The following COA8 variants were observed in gnomAD, a reference collection of about 807,000 sequenced individuals.
COA8 encodes the protein UPF0671 protein C14orf153.
A neutral mutation model predicts 22.0 loss-of-function variants in COA8; 20 were observed. The observed-to-expected ratio is 0.91, with a 90% confidence interval of 0.64 to 1.32. The LOEUF is 1.32. COA8 is among the 40% of genes most tolerant of loss of function. The pLI is 0.00. For missense variants in COA8, 266 were observed against 230.0 expected (o/e 1.16, Z -1.01); for synonymous variants, 105 against 79.9 (o/e 1.31, Z -1.68).
Position 103,581,338 on chromosome 14 carries a change from C to A in COA8, c.386-5936C>A, listed in dbSNP as rs1424389617. ...CATTACCAAGTAAATAAGGGTTACTCAGACACAAGCACTGCTGTACGACGA... is the reference window on the plus strand; with the variant it reads ...CATTACCAAGTAAATAAGGGTTACTAAGACACAAGCACTGCTGTACGACGA... On this transcript the variant is annotated intron_variant, in intron 3 of 4. Transcript: ENST00000409074. This position sits in a 1 kb window ranked among gnomAD's most constrained non-coding sequence, Gnocchi z 4.1. Among the ~76,000 whole-genome samples the A allele has an allele frequency of 2.0e-5, 3 of 152,076 alleles. No individual in the cohort carries two copies. The highest frequency in any genetic ancestry group is 4.4e-5 in the Non-Finnish European group (3 of 68,010).
intron 3 of COA8, 76 bp downstream of exon 3, chr14:103,574,246 G>C: frequency 6.3e-7 from 1 of 1,589,552 alleles, no homozygotes; most frequent in Non-Finnish European, 8.6e-7. Flanking sequence ...AAGGAAGGGC[G>C]GTGAGAGAGG....
At chr14:103,583,888 A>G (rs1320119621) in intron 3 of COA8, among the ~76,000 whole-genome samples, 2 of 152,214 alleles carry the variant, frequency 1.3e-5, no homozygotes, top group Non-Finnish European at 2.9e-5. Context: ...GGATCACAAC[A>G]TTCAGAAAGG....
intron 1 of COA8, among the ~76,000 whole-genome samples, chr14:103,563,855 A>T (rs570891072): frequency 1.5e-3 from 225 of 152,350 alleles, no homozygotes; most frequent in African/African-American, 4.3e-3. Context: ...AAGAAGTATT[A>T]AAAAAGTGTT....
At chr14:103,578,194 A>G (rs745748360) in intron 3 of COA8, among the ~76,000 whole-genome samples, 107 of 151,614 alleles carry the variant, frequency 7.1e-4, no homozygotes, top group Middle Eastern at 3.4e-3. Flanking sequence ...ACTGTCTCCA[A>G]AAAAAAAATT....
intron 3 of COA8, among the ~76,000 whole-genome samples, chr14:103,584,191 G>A (rs1270317325): frequency 6.6e-6 from 1 of 152,108 alleles, no homozygotes; most frequent in Non-Finnish European, 1.5e-5. Flanking sequence ...GAGCCACCGT[G>A]CCTGGCCTCC....
intron 3 of COA8, among the ~76,000 whole-genome samples, chr14:103,582,673 G>T (rs981371726): frequency 6.6e-6 from 1 of 150,680 alleles, no homozygotes; most frequent in African/African-American, 2.4e-5. Flanking sequence ...GTAATCACTT[G>T]TGAAGAAAAT....
At chr14:103,568,380 G>A (rs1341903977) in intron 1 of COA8, among the ~76,000 whole-genome samples, 2 of 151,974 alleles carry the variant, frequency 1.3e-5, no homozygotes, top group Non-Finnish European at 1.5e-5. Context: ...GGAGAAGCCT[G>A]GTGTAGGGCT....
rs1595154087 is a variant in COA8 at position 103,590,884 on chromosome 14, T to C, written c.*598T>C. ...AAAAATAATAATAATTAATAAAGTT[T>C]TACTGGAAAAAAGAAGTCTGCTGAC... On this transcript the variant is annotated 3_prime_UTR_variant, in exon 5 of 5. Transcript: ENST00000409074. The C allele has an allele frequency of 6.6e-6, 1 of 152,066 alleles. No homozygotes were observed. The highest frequency in any genetic ancestry group is 2.4e-5 in the African/African-American group (1 of 41,402). 9.4% of individuals were successfully genotyped at this position (152,066 alleles called of 1,614,324 possible).
Position 103,585,097 on chromosome 14 carries a change from C to T in COA8, c.386-2177C>T, listed in dbSNP as rs573988162. On this transcript the variant is annotated intron_variant, in intron 3 of 4. Transcript: ENST00000409074. ...AGTTTGCAGTGAGCCGAGATTGCGCCACTGCACTCCAGCCTGGGTGACAGA... is the reference window on the plus strand; with the variant it reads ...AGTTTGCAGTGAGCCGAGATTGCGCTACTGCACTCCAGCCTGGGTGACAGA... Among the ~76,000 whole-genome samples the T allele has an allele frequency of 5.9e-5, 9 of 152,040 alleles. No individual in the cohort carries two copies. In the East Asian group the frequency reaches 1.7e-3, roughly 29 times the overall value.
intron 3 of COA8, chr14:103,574,462 TC>T (rs1369269308): frequency 7.0e-6 from 4 of 573,816 alleles, no homozygotes; most frequent in Non-Finnish European, 1.3e-5. Context: ...AGCTTCTCCC[TC>T]CAAAGCAGCT....
intron 3 of COA8, among the ~76,000 whole-genome samples, chr14:103,574,982 A>G (rs181738920): frequency 6.6e-6 from 1 of 152,348 alleles, no homozygotes; most frequent in East Asian, 1.9e-4. Context: ...TAGATGAGCA[A>G]CCTGAGGCTT....
At chr14:103,573,695 G>C (rs746948320) in intron 2 of COA8, among the ~76,000 whole-genome samples, 2 of 152,052 alleles carry the variant, frequency 1.3e-5, no homozygotes, top group Non-Finnish European at 2.9e-5. Flanking sequence ...TGGGATTACA[G>C]GTGCCCACCA....
At chr14:103,563,439 T>C (rs548837339) in intron 1 of COA8, 40 of 497,770 alleles carry the variant, frequency 8.0e-5, no homozygotes, top group African/African-American at 7.4e-4. Context: ...TTTAAAGAGC[T>C]CTTGGCTTAC....
chr14:103,582,397 C>T (rs2076274462), intron 3 of COA8, among the ~76,000 whole-genome samples: 2 of 152,202 alleles, frequency 1.3e-5, no homozygotes, highest in African/African-American at 4.8e-5. Context: ...GTGGGTGAGC[C>T]TGAGCGTGGC....
chr14:103,583,990 C>T (rs963641736), intron 3 of COA8, among the ~76,000 whole-genome samples: 4 of 152,208 alleles, frequency 2.6e-5, no homozygotes, highest in Non-Finnish European at 4.4e-5. Context: ...TGGGGGCATG[C>T]GGAGCCCCTG....
intron 1 of COA8, among the ~76,000 whole-genome samples, chr14:103,565,229 A>C (rs1481374284): frequency 6.6e-6 from 1 of 151,606 alleles, no homozygotes; most frequent in Non-Finnish European, 1.5e-5. Context: ...CAAAGTGCTG[A>C]GATTATAAGT....
At chr14:103,572,312 A>G (rs1473620212) in intron 2 of COA8, among the ~76,000 whole-genome samples, 1 of 152,232 alleles carries the variant, frequency 6.6e-6, no homozygotes, top group African/African-American at 2.4e-5. Context: ...GTAACTGTAT[A>G]TAAGAAATGG....
rs2076264433 is a variant in COA8, at chr14:103,581,101, G to GT, written c.386-6171dup. ...AGGCGTGAGCCACCGCGCCCAGCCT[G>GT]TTACACCATTTTATATAAAGGATTT... On this transcript the variant is annotated intron_variant, in intron 3 of 4. Transcript: ENST00000409074. The surrounding 1 kb of genome is among the most constrained non-coding windows in gnomAD (Gnocchi z 4.1). 6.6e-6 allele frequency among the ~76,000 whole-genome samples: 1 copy of GT among 152,028 alleles called. No homozygotes were observed. Among genetic ancestry groups the GT allele is most frequent in the African/African-American group, 2.4e-5 (1 of 41,402 alleles).
At chr14:103,571,578 A>C in intron 1 of COA8, 45 bp from the exon 2 acceptor site, 6 of 1,477,354 alleles carry the variant, frequency 4.1e-6, no homozygotes, top group Non-Finnish European at 5.6e-6. Context: ...TTATAATACT[A>C]GAGATTCATT....
Sources: gnomAD v4.1 joint callset for allele counts (sites outside exome capture counted in the v4.1 genomes callset) on GRCh38, gnomAD v4.1.1 for gene constraint, Gnocchi (gnomAD v3.1) non-coding constraint, MANE v1.5 for transcripts, NCBI Gene and HGNC (gene_info 2026-07-23, HGNC 2026-07-21) for gene names.